The following RAI2 variants were observed in gnomAD, a reference collection of about 807,000 sequenced individuals.
The protein encoded by RAI2 is retinoic acid induced 2, also known as retinoic acid-induced protein 2.
In RAI2, 5 loss-of-function variants were observed where a neutral mutation model predicts 15.3. The observed-to-expected ratio is 0.33, with a 90% confidence interval of 0.17 to 0.69. The LOEUF is 0.69. Ranked by LOEUF, RAI2 falls within the 30% of genes least tolerant of loss-of-function variation. The pLI is 0.69. For missense variants in RAI2, 424 were observed against 424.7 expected (o/e 1.00, Z 0.01); for synonymous variants, 191 against 184.0 (o/e 1.04, Z -0.31).
At chrX:17,827,063 A>G (rs2067234640) in intron 1 of RAI2, among the ~76,000 whole-genome samples, 1 of 112,884 alleles carries the variant, frequency 8.9e-6, no homozygotes, top group Non-Finnish European at 1.9e-5. Context: ...GTTGATGCAG[A>G]GTAAAGCAGC....
intron 1 of RAI2, among the ~76,000 whole-genome samples, chrX:17,821,063 C>T (rs1412235610): frequency 9.0e-6 from 1 of 111,596 alleles, no homozygotes; most frequent in African/African-American, 3.3e-5. Flanking sequence ...CTGTGCCCAA[C>T]CTTAAATTAG....
intron 1 of RAI2, among the ~76,000 whole-genome samples, chrX:17,809,901 G>A (rs1372826791): frequency 2.7e-5 from 3 of 111,411 alleles, no homozygotes; most frequent in Non-Finnish European, 5.7e-5. Flanking sequence ...CTAAGTAGCT[G>A]GGACTACAGG....
intron 1 of RAI2, among the ~76,000 whole-genome samples, chrX:17,813,402 T>C (rs1463894593): frequency 1.8e-5 from 2 of 111,788 alleles, no homozygotes. Flanking sequence ...ATAATAAAGA[T>C]AATCCAGCCA....
chrX:17,807,172 T>C (rs1397635142), intron 1 of RAI2, among the ~76,000 whole-genome samples: 1 of 111,561 alleles, frequency 9.0e-6, no homozygotes, highest in Non-Finnish European at 1.9e-5. Flanking sequence ...AGCCAACTCC[T>C]GCTCATCTGT....
chrX:17,807,176 C>T (rs2066989711), intron 1 of RAI2, among the ~76,000 whole-genome samples: 1 of 111,432 alleles, frequency 9.0e-6, no homozygotes, highest in African/African-American at 3.3e-5. Context: ...AACTCCTGCT[C>T]ATCTGTCTGA....
At chrX:17,834,321 T>C (rs765235759) in intron 1 of RAI2, among the ~76,000 whole-genome samples, 55 of 111,481 alleles carry the variant, frequency 4.9e-4, no homozygotes, top group Non-Finnish European at 7.0e-4. Flanking sequence ...TAGCTCTGGG[T>C]GAGTATGAGA....
Position 17,845,052 on chromosome X carries a change from G to A in RAI2, c.-25+16046C>T, listed in dbSNP as rs1428136311. Reference sequence around the variant, plus strand: ...GCTTAAAAATTGACCTATTTGAAGTGTGTGTGAAATAGACAACCTTTTAAA... The same window carrying A: ...GCTTAAAAATTGACCTATTTGAAGTATGTGTGAAATAGACAACCTTTTAAA... On this transcript the variant is annotated intron_variant, in intron 1 of 1. Transcript: ENST00000451717. 5.4e-5 allele frequency among the ~76,000 whole-genome samples: 6 copies of A among 111,969 alleles called. 1 individual carries two copies. The Admixed American group carries it at 5.6e-4, about 11-fold the overall frequency.
intron 1 of RAI2, among the ~76,000 whole-genome samples, chrX:17,832,130 G>A (rs2067288325): frequency 8.9e-6 from 1 of 112,062 alleles, no homozygotes; most frequent in South Asian, 3.8e-4. Context: ...AAGGTGCATG[G>A]TCTGTAATAG....
At chrX:17,836,293 AT>A (rs1343342156) in intron 1 of RAI2, among the ~76,000 whole-genome samples, 1 of 111,997 alleles carries the variant, frequency 8.9e-6, no homozygotes, top group Non-Finnish European at 1.9e-5. Flanking sequence ...TAAGTTGAAA[AT>A]ATTGTAGTCA....
At chrX:17,819,213 T>C (rs1156421069) in intron 1 of RAI2, among the ~76,000 whole-genome samples, 2 of 112,411 alleles carry the variant, frequency 1.8e-5, no homozygotes, top group African/African-American at 6.5e-5. Context: ...GTTTCCCTCC[T>C]ATGGGACCTT....
chrX:17,809,645 G>A (rs2067021330), intron 1 of RAI2, among the ~76,000 whole-genome samples: 2 of 110,758 alleles, frequency 1.8e-5, no homozygotes, highest in South Asian at 7.6e-4. Context: ...TTTTCTAATA[G>A]GAGTGTGAGA....
At chrX:17,832,961 A>G (rs777642735) in intron 1 of RAI2, among the ~76,000 whole-genome samples, 155 of 111,710 alleles carry the variant, frequency 1.4e-3, no homozygotes, top group African/African-American at 4.8e-3. Context: ...AAGTTCACCC[A>G]CGGGCACATC....
intron 1 of RAI2, among the ~76,000 whole-genome samples, chrX:17,857,415 C>T (rs935264355): frequency 2.7e-5 from 3 of 111,763 alleles, no homozygotes; most frequent in African/African-American, 9.8e-5. Context: ...AAGTTCCCTC[C>T]TCATTTTCCT....
intron 1 of RAI2, chrX:17,837,623 T>G (rs1449508189): frequency 8.9e-6 from 1 of 112,442 alleles, no homozygotes; most frequent in African/African-American, 3.2e-5. Context: ...AGTGGAATTC[T>G]GTGTCCAGGC....
intron 1 of RAI2, among the ~76,000 whole-genome samples, chrX:17,846,085 T>C (rs2067452892): frequency 1.8e-5 from 2 of 111,687 alleles, no homozygotes; most frequent in Admixed American, 9.4e-5. Flanking sequence ...AGAGAAGCTA[T>C]TGGAAAGGGT....
chrX:17,802,902 C>T (rs920989565), intron 1 of RAI2, among the ~76,000 whole-genome samples: 5 of 111,693 alleles, frequency 4.5e-5, no homozygotes, highest in Non-Finnish European at 7.5e-5. Flanking sequence ...AGGCACCTAG[C>T]GCGTGTGCTT....
intron 1 of RAI2, among the ~76,000 whole-genome samples, chrX:17,823,617 G>T (rs765675498): frequency 1.8e-5 from 2 of 111,718 alleles, no homozygotes; most frequent in African/African-American, 6.5e-5. Context: ...AGGATAAAGG[G>T]TGGAGAGGGA....
At chrX:17,852,845 G>A (rs1205821993) in intron 1 of RAI2, among the ~76,000 whole-genome samples, 15 of 111,721 alleles carry the variant, frequency 1.3e-4, no homozygotes, top group African/African-American at 4.6e-4. Context: ...CAATCATTAC[G>A]AAAAATGATC....
chrX:17,835,455 C>T (rs1173265321), intron 1 of RAI2, among the ~76,000 whole-genome samples: 1 of 112,174 alleles, frequency 8.9e-6, no homozygotes, highest in Admixed American at 9.4e-5. Flanking sequence ...TCTTGGATAG[C>T]CTGAGTTTAT....
Sources: allele counts gnomAD v4.1 joint callset (sites outside exome capture counted in the v4.1 genomes callset), GRCh38; gene constraint gnomAD v4.1.1; transcripts MANE v1.5; gene names NCBI Gene and HGNC (gene_info 2026-07-23, HGNC 2026-07-21).